UBE3C: variants seen among roughly 807,000 people sequenced by gnomAD.
The protein encoded by UBE3C is ubiquitin protein ligase E3C.
In UBE3C, 42 loss-of-function variants were observed where a neutral mutation model predicts 129.4. That is an observed-to-expected ratio of 0.32 (90% CI 0.25 to 0.42). UBE3C has a LOEUF of 0.42. UBE3C is among the 10% of genes least tolerant of loss of function. UBE3C has a pLI of 1.00. For synonymous variants in UBE3C, 510 were observed against 492.4 expected (o/e 1.04, Z -0.47); for missense variants, 1,049 against 1,319.1 (o/e 0.80, Z 3.17).
At chr7:157,191,083 A>G (rs1365146849) in intron 10 of UBE3C, among the ~76,000 whole-genome samples, 1 of 152,232 alleles carries the variant, frequency 6.6e-6, no homozygotes, top group Non-Finnish European at 1.5e-5. Flanking sequence ...AGTTTCATTT[A>G]AATACATAAA....
chr7:157,265,984 T>TTC (rs1797066835), intron 22 of UBE3C, among the ~76,000 whole-genome samples: 1 of 152,228 alleles, frequency 6.6e-6, no homozygotes, highest in Non-Finnish European at 1.5e-5. Context: ...TCTATAGATG[T>TTC]TCTACCTCCC....
At chr7:157,181,973 T>C (rs1176053279) in intron 7 of UBE3C, 135 bp from the exon 8 acceptor site, 1 of 961,670 alleles carries the variant, frequency 1.0e-6, no homozygotes, top group Non-Finnish European at 1.5e-6. Context: ...CTAGTTGATA[T>C]TAAAATGGTT....
chr7:157,247,821 G>T (rs1248387851), intron 18 of UBE3C, among the ~76,000 whole-genome samples: 1 of 152,192 alleles, frequency 6.6e-6, no homozygotes. Flanking sequence ...GGGCAGAGTG[G>T]CATATGCGGT....
rs1482039395 is a variant in UBE3C at position 157,231,117 on chromosome 7, C to G, written c.2271C>G (p.Leu757=). 1.9e-6 allele frequency: 3 copies of G among 1,613,970 alleles called. No individual in the cohort carries two copies. The highest frequency in any genetic ancestry group is 2.5e-6 in the Non-Finnish European group (3 of 1,180,044). ...AAAAGCGGATCCGTGTGCACTTGCTCAATGCCCATGGCCTGGATGAAGCTG... is the reference window on the plus strand; with the variant it reads ...AAAAGCGGATCCGTGTGCACTTGCTGAATGCCCATGGCCTGGATGAAGCTG... ...DLKKRIRVHL[L]NAHGLDEAGI... The change falls in exon 18 of 23, where the codon CTC becomes CTG. Residue 757 remains leucine, a synonymous_variant. Transcript: ENST00000348165.
At chr7:157,189,650 G>A (rs184713202) in intron 10 of UBE3C, among the ~76,000 whole-genome samples, 2 of 152,214 alleles carry the variant, frequency 1.3e-5, no homozygotes, top group East Asian at 1.9e-4. Flanking sequence ...CACATTCCTC[G>A]TCCTTCCTTT....
Position 157,207,537 on chromosome 7 carries a change from T to C in UBE3C, c.1558T>C (p.Phe520Leu). ...SLISIHDNEF[F>L]GDPIEVVGQR... ...AATTTCCATACATGATAACGAATTC[T>C]TCGGTGATCCCATAGAAGGTAAGGA... Residue 520 changes from phenylalanine (F) to leucine (L), a missense_variant, in exon 12 of 23, where the codon TTC becomes CTC. By Grantham distance (22) the Phe-to-Leu change is conservative. This residue lies in a region of UBE3C where 314 missense variants were observed against 416.9 expected (regional missense o/e 0.75). Transcript: ENST00000348165. 1.2e-6 allele frequency: 2 copies of C among 1,612,504 alleles called. No individual in the cohort carries two copies. The highest frequency in any genetic ancestry group is 1.7e-6 in the Non-Finnish European group (2 of 1,179,710).
chr7:157,202,527 C>T (rs1033370509), intron 11 of UBE3C, among the ~76,000 whole-genome samples: 11 of 151,992 alleles, frequency 7.2e-5, no homozygotes, highest in African/African-American at 2.7e-4. Context: ...CATGGTGGTG[C>T]GTGCCTGTAA....
intron 19 of UBE3C, among the ~76,000 whole-genome samples, chr7:157,252,595 A>T (rs1796645730): frequency 6.6e-6 from 1 of 152,252 alleles, no homozygotes; most frequent in Admixed American, 6.5e-5. Flanking sequence ...CCAGCAAACG[A>T]GTCTCCTATA....
intron 18 of UBE3C, among the ~76,000 whole-genome samples, chr7:157,240,084 G>T (rs970929333): frequency 4.6e-5 from 7 of 151,778 alleles, no homozygotes; most frequent in Non-Finnish European, 8.8e-5. Flanking sequence ...TTGGTTTTTG[G>T]TTTTTTGGGG....
Position 157,163,805 on chromosome 7 carries a change from T to C in UBE3C, c.67-5T>C. On this transcript the variant is annotated splice_region_variant and splice_polypyrimidine_tract_variant and intron_variant, in intron 1 of 22. Transcript: ENST00000348165. The stretch of plus-strand genomic sequence containing the variant: ...TTACCTCCTTTTTTCTCTGTTTGGG[T>C]GTAGGAGGAAAAGGCTTCTCTTTTA... The C allele has an allele frequency of 6.2e-7, 1 of 1,613,106 alleles. No individual in the cohort carries two copies.
At chr7:157,159,909 A>G (rs1337379747) in intron 1 of UBE3C, among the ~76,000 whole-genome samples, 1 of 152,162 alleles carries the variant, frequency 6.6e-6, no homozygotes, top group African/African-American at 2.4e-5. Context: ...TAAAAATAAA[A>G]CTGTCTAATA....
At chr7:157,265,268 C>T (rs144031734) in intron 22 of UBE3C, among the ~76,000 whole-genome samples, 127 of 152,352 alleles carry the variant, frequency 8.3e-4, no homozygotes, top group African/African-American at 2.7e-3. Flanking sequence ...TAAATCTGCA[C>T]AGGCTGCGAC....
intron 1 of UBE3C, among the ~76,000 whole-genome samples, chr7:157,149,391 C>A (rs6965963): frequency 3.9e-5 from 6 of 152,006 alleles, no homozygotes; most frequent in African/African-American, 1.5e-4. Flanking sequence ...AGAAACCAAG[C>A]GGAATGGAAG....
intron 1 of UBE3C, among the ~76,000 whole-genome samples, chr7:157,145,070 G>A (rs933516879): frequency 3.9e-5 from 6 of 152,130 alleles, no homozygotes; most frequent in Non-Finnish European, 7.4e-5. Flanking sequence ...AGGAGTTTGA[G>A]ACCAGCCTGG....
intron 22 of UBE3C, among the ~76,000 whole-genome samples, chr7:157,266,201 C>T (rs1797074103): frequency 6.6e-6 from 1 of 152,130 alleles, no homozygotes; most frequent in South Asian, 2.1e-4. Flanking sequence ...GTAGTCCAAG[C>T]TATGCGGGAG....
chr7:157,141,834 G>A (rs1441537855), intron 1 of UBE3C, among the ~76,000 whole-genome samples: 1 of 152,168 alleles, frequency 6.6e-6, no homozygotes, highest in African/African-American at 2.4e-5. Context: ...GACTCCATCC[G>A]CCTCGGTGCA....
At chr7:157,206,955 C>A (rs1809451430) in intron 11 of UBE3C, among the ~76,000 whole-genome samples, 1 of 152,130 alleles carries the variant, frequency 6.6e-6, no homozygotes, top group Non-Finnish European at 1.5e-5. Flanking sequence ...TCAACGTTAC[C>A]AAAAGTTAAG....
chr7:157,218,145 G>A (rs1023960890), intron 14 of UBE3C, among the ~76,000 whole-genome samples: 1 of 152,090 alleles, frequency 6.6e-6, no homozygotes, highest in African/African-American at 2.4e-5. Context: ...GTGGTGGAGG[G>A]TATAAAAGAA....
At chr7:157,182,918 T>G (rs889234404) in intron 8 of UBE3C, among the ~76,000 whole-genome samples, 2 of 152,040 alleles carry the variant, frequency 1.3e-5, no homozygotes, top group Non-Finnish European at 2.9e-5. Flanking sequence ...CCAGCTAATT[T>G]TTGTATTTTT....
Sources: gnomAD v4.1 joint callset for allele counts (sites outside exome capture counted in the v4.1 genomes callset) on GRCh38, gnomAD v4.1.1 for gene constraint, gnomAD v4.1.1 regional missense constraint, MANE v1.5 for transcripts, NCBI Gene and HGNC (gene_info 2026-07-23, HGNC 2026-07-21) for gene names.